Variants in PLEKHA5 observed in about 807,000 individuals in gnomAD.
The protein encoded by PLEKHA5 is pleckstrin homology domain containing A5.
PLEKHA5 carries 55 observed loss-of-function variants against 181.9 expected under a neutral mutation model. That is an observed-to-expected ratio of 0.30 (90% CI 0.24 to 0.38). PLEKHA5 has a LOEUF of 0.38. Ranked by LOEUF, PLEKHA5 falls within the 10% of genes least tolerant of loss-of-function variation. PLEKHA5 has a pLI of 1.00. For missense variants in PLEKHA5, 1,432 were observed against 1,549.5 expected (o/e 0.92, Z 1.27); for synonymous variants, 535 against 529.4 (o/e 1.01, Z -0.15).
At chr12:19,204,000 G>A (rs2054809562) in intron 3 of PLEKHA5, among the ~76,000 whole-genome samples, 1 of 151,958 alleles carries the variant, frequency 6.6e-6, no homozygotes, top group South Asian at 2.1e-4. Flanking sequence ...TATGCGTATT[G>A]ACACATTTTA....
At chr12:19,160,339 A>G (rs76618939) in intron 3 of PLEKHA5, among the ~76,000 whole-genome samples, 1,707 of 152,136 alleles carry the variant, frequency 0.011, 25 homozygotes, top group African/African-American at 0.034. Context: ...TGGGTCATAA[A>G]TTACTCCTTT....
At chr12:19,161,763 T>C (rs560269825) in intron 3 of PLEKHA5, among the ~76,000 whole-genome samples, 28 of 152,212 alleles carry the variant, frequency 1.8e-4, no homozygotes, top group Non-Finnish European at 3.8e-4. Context: ...ATTGAGAAGA[T>C]ACCAGTAAAA....
At chr12:19,280,352 CTATAA>C (rs1482158320) in intron 11 of PLEKHA5, among the ~76,000 whole-genome samples, 2 of 152,026 alleles carry the variant, frequency 1.3e-5, no homozygotes, top group African/African-American at 4.8e-5. Flanking sequence ...CTTTTTGTAA[CTATAA>C]TATATCAGTA....
intron 3 of PLEKHA5, among the ~76,000 whole-genome samples, chr12:19,245,554 C>T (rs146651149): frequency 1.8e-3 from 278 of 151,686 alleles, no homozygotes; most frequent in Middle Eastern, 6.8e-3. Flanking sequence ...ATGGTGAAAC[C>T]CCGTCTCTAC....
chr12:19,240,375 G>A (rs1020265765), intron 3 of PLEKHA5, among the ~76,000 whole-genome samples: 1 of 150,636 alleles, frequency 6.6e-6, no homozygotes, highest in Non-Finnish European at 1.5e-5. Flanking sequence ...CCTTCCCAAA[G>A]GTATAATAAA....
At chr12:19,310,849 A>G (rs1027175749) in intron 15 of PLEKHA5, among the ~76,000 whole-genome samples, 3 of 152,100 alleles carry the variant, frequency 2.0e-5, no homozygotes, top group African/African-American at 7.2e-5. Flanking sequence ...TTAAATGTGC[A>G]ATAGCATTAT....
intron 10 of PLEKHA5, among the ~76,000 whole-genome samples, chr12:19,272,377 T>C (rs996218533): frequency 2.0e-5 from 3 of 152,196 alleles, no homozygotes; most frequent in African/African-American, 7.2e-5. Flanking sequence ...TATGTGTCTT[T>C]TTGACTACTT....
intron 11 of PLEKHA5, among the ~76,000 whole-genome samples, chr12:19,279,342 T>C (rs192848846): frequency 4.4e-4 from 67 of 152,204 alleles, no homozygotes; most frequent in African/African-American, 1.5e-3. Context: ...TAGTTCTATT[T>C]AGCCCGCAAG....
intron 31 of PLEKHA5, among the ~76,000 whole-genome samples, chr12:19,370,032 A>G (rs911735405): frequency 2.6e-5 from 4 of 152,234 alleles, no homozygotes; most frequent in African/African-American, 9.6e-5. Flanking sequence ...CATCCAGAAA[A>G]ACAACAAAAT....
At chr12:19,250,142 C>T (rs1770478436) in intron 3 of PLEKHA5, among the ~76,000 whole-genome samples, 1 of 152,302 alleles carries the variant, frequency 6.6e-6, no homozygotes, top group East Asian at 1.9e-4. Flanking sequence ...AACCACTTGT[C>T]TAGACCTATA....
At chr12:19,312,737 G>A (rs1208039369) in intron 15 of PLEKHA5, among the ~76,000 whole-genome samples, 6 of 152,140 alleles carry the variant, frequency 3.9e-5, no homozygotes, top group African/African-American at 1.4e-4. Flanking sequence ...AGGCTGTTTT[G>A]CTTTCTTATC....
chr12:19,304,439 C>A (rs1362968939), intron 15 of PLEKHA5, among the ~76,000 whole-genome samples: 1 of 152,154 alleles, frequency 6.6e-6, no homozygotes, highest in Admixed American at 6.6e-5. Context: ...ATATTTTAAT[C>A]TAGATCCAAT....
At chr12:19,322,089 G>C (rs1034912409) in intron 18 of PLEKHA5, among the ~76,000 whole-genome samples, 8 of 152,104 alleles carry the variant, frequency 5.3e-5, no homozygotes, top group African/African-American at 1.4e-4. Flanking sequence ...ATAGAATCCA[G>C]TAAGCATTTT....
chr12:19,190,359 A>G (rs1434523093), intron 3 of PLEKHA5, among the ~76,000 whole-genome samples: 1 of 152,194 alleles, frequency 6.6e-6, no homozygotes, highest in Non-Finnish European at 1.5e-5. Context: ...AATTCCCCAA[A>G]TAATTTCTTT....
chr12:19,293,663 G>A (rs2079040558), intron 15 of PLEKHA5, among the ~76,000 whole-genome samples: 1 of 148,610 alleles, frequency 6.7e-6, no homozygotes, highest in Non-Finnish European at 1.5e-5. Flanking sequence ...TAAACCTTGT[G>A]GTTTACTGTA....
chr12:19,320,175 G>T (rs1320370424), intron 17 of PLEKHA5, 119 bp downstream of exon 17: 1 of 414,806 alleles, frequency 2.4e-6, no homozygotes, highest in African/African-American at 2.1e-5. Flanking sequence ...GTGAAGGATG[G>T]TTTTGGCTGT....
chr12:19,298,448 A>G (rs1157965664), intron 15 of PLEKHA5, among the ~76,000 whole-genome samples: 2 of 116,546 alleles, frequency 1.7e-5, no homozygotes, highest in Non-Finnish European at 3.2e-5. Context: ...TCTCAGTGCT[A>G]ACTGGGGAAG....
chr12:19,245,010 C>T (rs1259668846), intron 3 of PLEKHA5, among the ~76,000 whole-genome samples: 1 of 152,038 alleles, frequency 6.6e-6, no homozygotes, highest in Non-Finnish European at 1.5e-5. Context: ...CACATGCTCC[C>T]ACAAGGAAGA....
Position 19,365,989 on chromosome 12 carries a change from A to C in PLEKHA5, c.3634A>C (p.Asn1212His). The C allele has an allele frequency of 6.2e-7, 1 of 1,611,460 alleles. No individual in the cohort carries two copies. The highest frequency in any genetic ancestry group is 8.5e-7 in the Non-Finnish European group (1 of 1,179,228). The stretch of plus-strand genomic sequence containing the variant: ...CCCTCAAGATGAAACACAGACCGCA[A>C]ATCATAAACCAGAAGAGCATCCTGA... ...FSPQDETQTANHKPEEHPEEN... is the reference protein window; with the variant it reads ...FSPQDETQTAHHKPEEHPEEN... Residue 1212 changes from asparagine (N) to histidine (H), a missense_variant, in exon 30 of 32, where the codon AAT becomes CAT. Around this residue, in one of 2 missense-constraint regions of PLEKHA5, gnomAD observed 1,143 missense variants for 1,168.4 expected, o/e 0.98. Coordinates refer to ENST00000429027, the MANE Select transcript of PLEKHA5 (RefSeq NM_001256470.2).
Sources: allele counts gnomAD v4.1 joint callset (sites outside exome capture counted in the v4.1 genomes callset), GRCh38; gene constraint gnomAD v4.1.1; regional missense constraint gnomAD v4.1.1; transcripts MANE v1.5; gene names NCBI Gene and HGNC (gene_info 2026-07-23, HGNC 2026-07-21).